HJV: variants seen among roughly 807,000 people sequenced by gnomAD.
HJV encodes the protein hemojuvelin BMP co-receptor.
In HJV, 18 loss-of-function variants were observed where a neutral mutation model predicts 22.7. That is an observed-to-expected ratio of 0.79 (90% CI 0.55 to 1.18). The LOEUF is 1.18. Ranked by LOEUF, HJV falls within the 50% of genes most tolerant of loss-of-function variation. The probability of loss-of-function intolerance (pLI) is 0.00; values close to 1 mark genes in which losing one functional copy is unlikely to be tolerated. For synonymous variants in HJV, 229 were observed against 222.7 expected (o/e 1.03, Z -0.25); for missense variants, 572 against 553.0 (o/e 1.03, Z -0.34).
chr1:146,018,867 A>C (rs887115353), intron 3 of HJV, among the ~76,000 whole-genome samples, 167 bp from the exon 4 acceptor site: 1 of 152,060 alleles, frequency 6.6e-6, no homozygotes, highest in Non-Finnish European at 1.5e-5. Context: ...CCTCATCCCT[A>C]CTTAACCCCC....
Position 146,018,352 on chromosome 1 carries a change from C to T in HJV, c.1006G>A (p.Gly336Arg), listed in dbSNP as rs1553769428. 6.2e-7 allele frequency: 1 copy of T among 1,614,206 alleles called. No individual in the cohort carries two copies. The change falls in exon 4 of 4, where the codon GGA becomes AGA. Residue 336 changes from glycine (G) to arginine (R), a missense_variant. Transcript: ENST00000336751. ...CTGGCAGTATCAATGGTTATAGCTC[C>T]CCGACGATTGCGCTCTGATCGAGAG... ...RLSRSERNRR[G>R]AITIDTARRL...
chr1:146,020,561 G>C (rs1553770012), intron 1 of HJV, among the ~76,000 whole-genome samples: 1 of 152,126 alleles, frequency 6.6e-6, no homozygotes, highest in Non-Finnish European at 1.5e-5. Context: ...TGAACTCAAG[G>C]GGGCAGAGTC....
Position 146,019,307 on chromosome 1 carries a change from C to T in HJV, c.525G>A (p.Val175=). 7 of 1,613,850 alleles carry T rather than the reference C, an allele frequency of 4.3e-6. No individual in the cohort carries two copies. The highest frequency in any genetic ancestry group is 5.9e-6 in the Non-Finnish European group (7 of 1,180,032). ...LHCASFGDPH[V]RSFHHHFHTC... is the part of the protein sequence containing the mutation. The stretch of plus-strand genomic sequence containing the variant: ...TGTGAAAGTGATGGTGGAAGCTGCG[C>T]ACATGGGGGTCCCCGAAGGAAGCGC... Residue 175 remains valine, a synonymous_variant, in exon 3 of 4, where the codon GTG becomes GTA. Transcript: ENST00000336751.
chr1:146,020,891 C>G (rs1393713841), intron 1 of HJV, among the ~76,000 whole-genome samples: 1 of 152,196 alleles, frequency 6.6e-6, no homozygotes, highest in African/African-American at 2.4e-5. Flanking sequence ...CAATTTTAAT[C>G]TCCCTCTCTC....
At chr1:146,021,153 G>A (rs587763490) in intron 1 of HJV, among the ~76,000 whole-genome samples, 130 of 152,320 alleles carry the variant, frequency 8.5e-4, no homozygotes, top group Middle Eastern at 6.8e-3. Flanking sequence ...AGGGACTAGA[G>A]TTGTGGGGAG....
chr1:146,019,110 G>A (rs976066201), intron 3 of HJV, 65 bp downstream of exon 3: 2 of 1,296,070 alleles, frequency 1.5e-6, no homozygotes, highest in African/African-American at 2.9e-5. Context: ...TAGTGGGGAT[G>A]GGGAGGAATG....
Position 146,020,199 on chromosome 1 carries a change from C to T in HJV, c.33G>A (p.Arg11=), listed in dbSNP as rs2101986445. The change falls in exon 2 of 4, where the codon AGG becomes AGA. Residue 11 remains arginine (R), a synonymous_variant. Transcript: ENST00000336751. The stretch of plus-strand genomic sequence containing the variant: ...GAGTTGGGGGACTGCCATGGGAGGA[C>T]CTGGGACTAGGGGACTGGCCTGGCT... MGEPGQSPSP[R]SSHGSPPTLS... The T allele has an allele frequency of 1.2e-6, 2 of 1,613,470 alleles. No individual in the cohort carries two copies. Among genetic ancestry groups the T allele is most frequent in the Non-Finnish European group, 1.7e-6 (2 of 1,179,480 alleles).
At position 146,019,407 on chromosome 1, in the gene HJV, A is replaced by C; in HGVS notation, c.425T>G (p.Leu142Arg). Residue 142 changes from leucine (L) to arginine (R), a missense_variant, in exon 3 of 4, where the codon CTC (leucine) becomes CGC (arginine). Physicochemically the swap from Leu to Arg is moderately radical, Grantham distance 102. Transcript: ENST00000336751. Reference sequence around the variant, plus strand: ...ATAGTCACAAGGGTCCGGGGCAGGGAGGCCGGAGCCCGCGCCTGGAAGGGC... The same window carrying C: ...ATAGTCACAAGGGTCCGGGGCAGGGCGGCCGGAGCCCGCGCCTGGAAGGGC... ...GPALPGAGSG[L>R]PAPDPCDYEG... The C allele has an allele frequency of 6.2e-7, 1 of 1,612,956 alleles. No individual in the cohort carries two copies.
Position 146,019,209 on chromosome 1 carries a change from A to G in HJV, c.623T>C (p.Met208Thr), listed in dbSNP as rs781930647. 3 of 1,614,116 alleles carry G rather than the reference A, an allele frequency of 1.9e-6. No homozygotes were observed. The highest frequency in any genetic ancestry group is 2.5e-6 in the Non-Finnish European group (3 of 1,180,006). The change falls in exon 3 of 4, where the codon ATG (methionine) becomes ACG (threonine). Residue 208 changes from methionine to threonine, a missense_variant. Physicochemically the swap from Met to Thr is moderately conservative, Grantham distance 81. Transcript: ENST00000336751. ...GGCGGTAGCGTTGGCCCCCAACGCC[A>G]TGGGGGAGCTGGTGGCTTGGACAAA... ...FLFVQATSSPMALGANATATR... is the reference protein window; with the variant it reads ...FLFVQATSSPTALGANATATR...
chr1:146,017,507 T>G lies in HJV; in HGVS notation c.*570A>C. 1 of 171,798 alleles carries G rather than the reference T, an allele frequency of 5.8e-6. No individual in the cohort carries two copies. The highest frequency in any genetic ancestry group is 1.4e-5 in the Non-Finnish European group (1 of 70,768). 10.6% of individuals were successfully genotyped at this position (171,798 alleles called of 1,614,324 possible). A position where few individuals can be genotyped will look rare whatever the true frequency, so the allele number is the denominator to read the frequency against. ...TTTGTAGCTTTAATAACAGATTAGTTAGGGGGTAGGGATGATACTTCTGTC... is the reference window on the plus strand; with the variant it reads ...TTTGTAGCTTTAATAACAGATTAGTGAGGGGGTAGGGATGATACTTCTGTC... On this transcript the variant is annotated 3_prime_UTR_variant, in exon 4 of 4. Coordinates refer to ENST00000336751, the MANE Select transcript of HJV (RefSeq NM_213653.4).
chr1:146,019,620 C>A lies in HJV; in HGVS notation c.212G>T (p.Gly71Val), dbSNP rs781933275. 1.9e-6 allele frequency: 3 copies of A among 1,613,712 alleles called. No individual in the cohort carries two copies. The highest frequency in any genetic ancestry group is 4.5e-5 in the East Asian group (2 of 44,850). The stretch of plus-strand genomic sequence containing the variant: ...GAGGCCGCCAGAGCCCACCCCTCCA[C>A]CCCGGCCTCCTCCTCCTCCTCCTCG... ...ALRGGGGGGR[G>V]GGVGSGGLCR... The change falls in exon 3 of 4, where the codon GGT becomes GTT. Residue 71 changes from glycine to valine, a missense_variant. Coordinates refer to ENST00000336751, the MANE Select transcript of HJV (RefSeq NM_213653.4).
chr1:146,019,451 AG>A lies in HJV; in HGVS notation c.380del (p.Pro127LeufsTer119). On this transcript the variant is annotated frameshift_variant, in exon 3 of 4. Transcript: ENST00000336751. LOFTEE classifies it high-confidence loss of function. ...HNCSRQGPTA[P>X]PPPRGPALPG... ...GAAGGGCGGGGCCCCGGGGCGGGGG[AG>A]GGGCTGTAGGGCCCTGGCGGGAGCA... is the stretch of plus-strand genomic sequence containing the variant. The A allele has an allele frequency of 6.2e-7, 1 of 1,612,034 alleles. No homozygotes were observed.
In HJV at chr1:146,018,485, A is replaced by G. The variant is rs1652482858; in HGVS notation, c.873T>C (p.Ala291=). 1 of 1,614,198 alleles carries G rather than the reference A, an allele frequency of 6.2e-7. No homozygotes were observed. Among genetic ancestry groups the G allele is most frequent in the Non-Finnish European group, 8.5e-7 (1 of 1,180,022 alleles). ...CCTTGATGGAGAAGGAGAGCTGCCC[A>G]GCTGTCTGCCGAATGATTATAGTTG... ...IGTTIIIRQT[A]GQLSFSIKVA... The change falls in exon 4 of 4, where the codon GCT becomes GCC. Residue 291 remains alanine (A), a synonymous_variant. Transcript: ENST00000336751.
rs781901569 is a variant in HJV, at chr1:146,019,210, TG to T, written c.621del (p.Met208TrpfsTer38). 3 of 1,613,932 alleles carry T rather than the reference TG, an allele frequency of 1.9e-6. No homozygotes were observed. Among genetic ancestry groups the T allele is most frequent in the Admixed American group, 1.7e-5 (1 of 60,000 alleles). On this transcript the variant is annotated frameshift_variant, in exon 3 of 4. Transcript: ENST00000336751. LOFTEE classifies it high-confidence loss of function. ...DFLFVQATSS[P>X]MALGANATAT... ...GCGGTAGCGTTGGCCCCCAACGCCA[TG>T]GGGGAGCTGGTGGCTTGGACAAAGA...
Position 146,019,716 on chromosome 1 carries a change from A to T in HJV, c.116T>A (p.Ile39Asn). 6 of 1,613,834 alleles carry T rather than the reference A, an allele frequency of 3.7e-6. No homozygotes were observed. Among genetic ancestry groups the T allele is most frequent in the Non-Finnish European group, 5.1e-6 (6 of 1,179,922 alleles). The change falls in exon 3 of 4, where the codon ATC becomes AAC. Residue 39 changes from isoleucine (I) to asparagine (N), a missense_variant. Transcript: ENST00000336751. ...LCGHAHSQCKILRCNAEYVSS... is the reference protein window; with the variant it reads ...LCGHAHSQCKNLRCNAEYVSS... ...TACGTACTCAGCATTGCAGCGGAGG[A>T]TCTTGCATTGAGAATGAGCTAAAGA...
At chr1:146,021,305 C>T (rs372231547) in intron 1 of HJV, among the ~76,000 whole-genome samples, 5 of 152,072 alleles carry the variant, frequency 3.3e-5, no homozygotes, top group Admixed American at 1.3e-4. Context: ...GAATAGAGGA[C>T]GTAGGGAACT....
chr1:146,019,724 T>C lies in HJV; in HGVS notation c.108A>G (p.Gln36=), dbSNP rs1553769793. ...CAGCATTGCAGCGGAGGATCTTGCA[T>C]TGAGAATGAGCTAAAGACAGAAGGG... The part of the protein sequence containing the change: ...LLLLCGHAHS[Q]CKILRCNAEY... The change falls in exon 3 of 4, where the codon CAA becomes CAG. Residue 36 remains glutamine (Q), a synonymous_variant. Coordinates refer to ENST00000336751, the MANE Select transcript of HJV (RefSeq NM_213653.4). 1.9e-6 allele frequency: 3 copies of C among 1,613,940 alleles called. No individual in the cohort carries two copies. The highest frequency in any genetic ancestry group is 2.2e-5 in the East Asian group (1 of 44,860).
chr1:146,019,379 T>C lies in HJV; in HGVS notation c.453A>G (p.Glu151=). ...GLPAPDPCDY[E]GRFSRLHGRP... ...GACCATGCAGCCGGGAAAACCGGCC[T>C]TCATAGTCACAAGGGTCCGGGGCAG... The change falls in exon 3 of 4, where the codon GAA becomes GAG. Residue 151 remains glutamate (E), a synonymous_variant. Coordinates refer to ENST00000336751, the MANE Select transcript of HJV (RefSeq NM_213653.4). 9 of 1,613,742 alleles carry C rather than the reference T, an allele frequency of 5.6e-6. No homozygotes were observed. Among genetic ancestry groups the C allele is most frequent in the Non-Finnish European group, 7.6e-6 (9 of 1,179,998 alleles).
In HJV at chr1:146,017,797, G is replaced by T; in HGVS notation, c.*280C>A. On this transcript the variant is annotated 3_prime_UTR_variant, in exon 4 of 4. Coordinates refer to ENST00000336751, the MANE Select transcript of HJV (RefSeq NM_213653.4). The stretch of plus-strand genomic sequence containing the variant: ...CTTCATGACCTCTAAACTTATAAGG[G>T]TGAAATCTGCAGTAAATGGATTAGA... The T allele has an allele frequency of 2.3e-6, 1 of 430,886 alleles. No homozygotes were observed. The highest frequency in any genetic ancestry group is 2.6e-5 in the South Asian group (1 of 37,948). 26.7% of individuals were successfully genotyped at this position (430,886 alleles called of 1,614,324 possible).
Sources: allele counts gnomAD v4.1 joint callset (sites outside exome capture counted in the v4.1 genomes callset), GRCh38; gene constraint gnomAD v4.1.1; transcripts MANE v1.5; gene names NCBI Gene and HGNC (gene_info 2026-07-23, HGNC 2026-07-21).